Variants in PDE1C observed in about 807,000 individuals in gnomAD.
The protein encoded by PDE1C is phosphodiesterase 1C, also known as dual specificity calcium/calmodulin-dependent 3',5'-cyclic nucleotide phosphodiesterase 1C.
A neutral mutation model predicts 93.1 loss-of-function variants in PDE1C; 62 were observed. The observed-to-expected ratio is 0.67, with a 90% CI of 0.54 to 0.82. PDE1C has a LOEUF of 0.82. PDE1C is among the 40% of genes least tolerant of loss of function. The pLI is 0.00. For missense variants in PDE1C, 742 were observed against 884.6 expected (o/e 0.84, Z 2.04); for synonymous variants, 325 against 310.1 (o/e 1.05, Z -0.50).
intron 1 of PDE1C, among the ~76,000 whole-genome samples, chr7:32,380,570 A>G (rs1016494577): frequency 1.1e-4 from 17 of 151,772 alleles, no homozygotes; most frequent in African/African-American, 3.1e-4. Flanking sequence ...AACCTGCCCA[A>G]TTGAGCTTCC....
At chr7:32,214,377 A>C (rs555257771) in intron 1 of PDE1C, among the ~76,000 whole-genome samples, 6 of 152,240 alleles carry the variant, frequency 3.9e-5, no homozygotes, top group Admixed American at 6.5e-5. Context: ...ATTTTAGGTC[A>C]GTGGTTTCCA....
chr7:32,323,124 C>G (rs1264414416), intron 1 of PDE1C, among the ~76,000 whole-genome samples: 1 of 152,134 alleles, frequency 6.6e-6, no homozygotes, highest in Admixed American at 6.5e-5. Context: ...CCTAGCTCTA[C>G]CATTCTGTAG....
At chr7:32,310,979 A>G (rs1783022068) in intron 1 of PDE1C, among the ~76,000 whole-genome samples, 1 of 152,182 alleles carries the variant, frequency 6.6e-6, no homozygotes, top group African/African-American at 2.4e-5. Context: ...TTTTTTGAAA[A>G]GATCAACAAA....
chr7:32,142,211 A>G (rs1468067157), intron 3 of PDE1C, among the ~76,000 whole-genome samples: 1 of 152,180 alleles, frequency 6.6e-6, no homozygotes, highest in East Asian at 1.9e-4. Flanking sequence ...AGGAGGAAAT[A>G]GAGGAGAAGG....
chr7:32,109,264 G>T (rs557547324), intron 3 of PDE1C, among the ~76,000 whole-genome samples: 2 of 152,152 alleles, frequency 1.3e-5, no homozygotes, highest in African/African-American at 4.8e-5. Context: ...AATCATGGTA[G>T]AGCCATATGA....
At chr7:32,248,701 C>T (rs1295169847) in intron 1 of PDE1C, among the ~76,000 whole-genome samples, 1 of 152,214 alleles carries the variant, frequency 6.6e-6, no homozygotes, top group Non-Finnish European at 1.5e-5. Flanking sequence ...AGTAGACATG[C>T]CAGGACCCTC....
At chr7:31,716,953 C>T in the PDE1C span, among the ~76,000 whole-genome samples, 3 of 152,020 alleles carry the variant, frequency 2.0e-5, no homozygotes, top group Non-Finnish European at 4.4e-5. Flanking sequence ...ATGAATTTGT[C>T]GAGAGGAAGC....
the PDE1C span, among the ~76,000 whole-genome samples, chr7:31,739,675 GGAGGT>G: frequency 1.8e-3 from 270 of 152,226 alleles, 3 homozygotes; most frequent in Non-Finnish European, 2.3e-3. Context: ...GTGCACGAGT[GGAGGT>G]CCTCCTTATG....
At chr7:32,373,952 G>A (rs755886750) in intron 1 of PDE1C, among the ~76,000 whole-genome samples, 14 of 151,884 alleles carry the variant, frequency 9.2e-5, no homozygotes, top group Non-Finnish European at 5.9e-5. Context: ...AGCCAAGATC[G>A]CGCCACTGCA....
intron 1 of PDE1C, among the ~76,000 whole-genome samples, chr7:32,277,168 G>A (rs970500292): frequency 3.9e-5 from 6 of 152,162 alleles, no homozygotes; most frequent in African/African-American, 1.2e-4. Context: ...AGAATCACCT[G>A]AGCTTGGGAG....
At chr7:31,910,166 C>T (rs1280597233) in intron 2 of PDE1C, among the ~76,000 whole-genome samples, 1 of 152,138 alleles carries the variant, frequency 6.6e-6, no homozygotes, top group Non-Finnish European at 1.5e-5. Context: ...TGGGTCCACC[C>T]CAGAAAGCAG....
intron 1 of PDE1C, among the ~76,000 whole-genome samples, chr7:32,216,277 GC>G (rs1461730898): frequency 6.6e-6 from 1 of 151,996 alleles, no homozygotes; most frequent in Non-Finnish European, 1.5e-5. Context: ...GGTCCCAACT[GC>G]CCCCTTCCTC....
the PDE1C span, chr7:31,642,314 C>T: frequency 8.2e-7 from 1 of 1,212,236 alleles, no homozygotes; most frequent in Non-Finnish European, 1.2e-6. Flanking sequence ...CACTTCAGCC[C>T]TATCAACCAG....
chr7:31,867,684 A>G (rs1002818216), intron 6 of PDE1C, among the ~76,000 whole-genome samples: 1 of 152,142 alleles, frequency 6.6e-6, no homozygotes, highest in Non-Finnish European at 1.5e-5. Context: ...CACTTGGCCC[A>G]CTGCTGCCAC....
At chr7:32,033,252 T>C (rs766182689) in intron 2 of PDE1C, among the ~76,000 whole-genome samples, 36 of 152,068 alleles carry the variant, frequency 2.4e-4, no homozygotes, top group Non-Finnish European at 4.7e-4. Flanking sequence ...CACAGATGAA[T>C]GGGCTCAAAG....
chr7:31,642,313 C>G, the PDE1C span: 1 of 1,220,788 alleles, frequency 8.2e-7, no homozygotes, highest in African/African-American at 1.5e-5. Flanking sequence ...CCACTTCAGC[C>G]CTATCAACCA....
chr7:32,306,125 G>C (rs79588700), intron 1 of PDE1C, among the ~76,000 whole-genome samples: 75 of 152,236 alleles, frequency 4.9e-4, no homozygotes, highest in African/African-American at 1.8e-3. Context: ...CATGTAAGAC[G>C]TGCCTTTCAC....
At chr7:32,358,242 GC>G (rs1784068282) in intron 1 of PDE1C, among the ~76,000 whole-genome samples, 1 of 152,192 alleles carries the variant, frequency 6.6e-6, no homozygotes, top group Non-Finnish European at 1.5e-5. Flanking sequence ...GAACAAGCTT[GC>G]CAAACACAAG....
At chr7:31,872,889 GA>G (rs920735109) in intron 6 of PDE1C, among the ~76,000 whole-genome samples, 19 of 149,938 alleles carry the variant, frequency 1.3e-4, no homozygotes, top group East Asian at 7.8e-4. Flanking sequence ...CAAGTGGTGG[GA>G]AAAAAAAAAG....
Sources: gnomAD v4.1 joint callset for allele counts (sites outside exome capture counted in the v4.1 genomes callset) on GRCh38, gnomAD v4.1.1 for gene constraint, MANE v1.5 for transcripts, NCBI Gene and HGNC (gene_info 2026-07-23, HGNC 2026-07-21) for gene names.